Variants in DCUN1D1 observed in about 807,000 individuals in gnomAD.
DCUN1D1 encodes DCN1-like protein 1.
Under a neutral mutation model 39.0 loss-of-function variants are expected in DCUN1D1, and 3 were observed. The ratio of observed to expected loss-of-function variants is 0.08; its 90% CI spans 0.04 to 0.20. The LOEUF (loss-of-function observed/expected upper bound fraction) is 0.20, where lower values mean the gene tolerates loss of function less well. Among genes scored for constraint, DCUN1D1 ranks in the 10% least tolerant of loss-of-function variants. The probability of loss-of-function intolerance (pLI) is 1.00; values close to 1 mark genes in which losing one functional copy is unlikely to be tolerated. For missense variants in DCUN1D1, 158 were observed against 302.4 expected (o/e 0.52, Z 3.54); for synonymous variants, 82 against 96.3 (o/e 0.85, Z 0.87).
intron 1 of DCUN1D1, chr3:182,980,074 A>ACCCGGAACCCCAGAC: frequency 1.2e-6 from 1 of 864,674 alleles, no homozygotes; most frequent in Non-Finnish European, 1.4e-6. Flanking sequence ...GAGGCTACTC[A>ACCCGGAACCCCAGAC]CCCGGAACCC....
intron 1 of DCUN1D1, among the ~76,000 whole-genome samples, chr3:182,966,413 AT>A (rs1217092663): frequency 2.0e-5 from 3 of 151,730 alleles, no homozygotes; most frequent in Non-Finnish European, 2.9e-5. Flanking sequence ...TATCAAAATA[AT>A]TTTTTTTTCT....
chr3:182,983,720 AAAG>A (rs1728637461), upstream of DCUN1D1, among the ~76,000 whole-genome samples: 1 of 152,138 alleles, frequency 6.6e-6, no homozygotes, highest in African/African-American at 2.4e-5. Flanking sequence ...AGAAAAAAAA[AAAG>A]AGATTCCCTA....
At chr3:182,979,856 G>C (rs1469323699) in intron 1 of DCUN1D1, among the ~76,000 whole-genome samples, 1 of 152,084 alleles carries the variant, frequency 6.6e-6, no homozygotes, top group Non-Finnish European at 1.5e-5. Context: ...TCCACCAACT[G>C]GCCGGGGAAA....
At chr3:182,955,420 G>A (rs1186951068) in intron 4 of DCUN1D1, 6 of 539,944 alleles carry the variant, frequency 1.1e-5, no homozygotes, top group South Asian at 2.8e-5. Flanking sequence ...CACATTTTGC[G>A]CAAACTTCAA....
At chr3:182,965,452 T>C in intron 2 of DCUN1D1, 85 bp downstream of exon 2, 1 of 801,890 alleles carries the variant, frequency 1.2e-6, no homozygotes, top group Non-Finnish European at 2.0e-6. Flanking sequence ...CAATTTAAGT[T>C]ATATATAGTA....
chr3:182,939,499 A>G lies in DCUN1D1; in HGVS notation c.*5595T>C, dbSNP rs1295729829. 1 of 152,240 alleles carries G rather than the reference A, an allele frequency of 6.6e-6. No homozygotes were observed. The highest frequency in any genetic ancestry group is 1.5e-5 in the Non-Finnish European group (1 of 68,026). The allele number at this position is 152,240 out of a possible 1,614,324, so 9.4% of individuals were successfully genotyped here. On this transcript the variant is annotated 3_prime_UTR_variant, in exon 7 of 7. Coordinates refer to ENST00000292782, the MANE Select transcript of DCUN1D1 (RefSeq NM_020640.4). ...TGGATAAACAAAATGTGGTATATCC[A>G]AACAGTGAACACTAAGTCAGCAACT... is the stretch of plus-strand genomic sequence containing the variant.
At chr3:182,946,809 C>G (rs1416500055) in intron 6 of DCUN1D1, among the ~76,000 whole-genome samples, 1 of 151,976 alleles carries the variant, frequency 6.6e-6, no homozygotes. Flanking sequence ...TTCATACATT[C>G]AGAAGAGCAT....
upstream of DCUN1D1, among the ~76,000 whole-genome samples, chr3:182,982,770 G>T (rs1278156835): frequency 1.3e-5 from 2 of 152,006 alleles, no homozygotes; most frequent in African/African-American, 4.8e-5. Context: ...AGCCCCCACC[G>T]AGTAGCTGGG....
chr3:182,951,424 G>C (rs189466896), intron 4 of DCUN1D1, among the ~76,000 whole-genome samples: 34 of 151,790 alleles, frequency 2.2e-4, no homozygotes, highest in Middle Eastern at 3.4e-3. Flanking sequence ...TTGTAATCCT[G>C]AACAACATAG....
At position 182,942,333 on chromosome 3, in the gene DCUN1D1, A is replaced by G. The variant is rs950106518; in HGVS notation, c.*2761T>C. On this transcript the variant is annotated 3_prime_UTR_variant, in exon 7 of 7. Transcript: ENST00000292782. ...TTTCAGGTATATTTTAAATCTATAA[A>G]AAAAATACACTGAAATATGTGAAAA... 3.3e-5 allele frequency: 5 copies of G among 152,146 alleles called. No individual in the cohort carries two copies. The highest frequency in any genetic ancestry group is 3.3e-4 in the Admixed American group (5 of 15,252). The allele number at this position is 152,146 out of a possible 1,614,324, so 9.4% of individuals were successfully genotyped here.
In DCUN1D1 at chr3:182,942,647, G is replaced by A. The variant is rs1726189389; in HGVS notation, c.*2447C>T. On this transcript the variant is annotated 3_prime_UTR_variant, in exon 7 of 7. Transcript: ENST00000292782. The stretch of plus-strand genomic sequence containing the variant: ...CAGCATGGGGAGTTTACCGGAATGA[G>A]GACTGAAACACTTAGGAGTTAAAGC... The A allele has an allele frequency of 6.6e-6, 1 of 151,828 alleles. No individual in the cohort carries two copies. Among genetic ancestry groups the A allele is most frequent in the African/African-American group, 2.4e-5 (1 of 41,334 alleles). The allele number at this position is 151,828 out of a possible 1,614,324, so 9.4% of individuals were successfully genotyped here.
chr3:182,951,006 C>CAAAAAAAAAAAAAAAA (rs56919089), intron 4 of DCUN1D1: 1 of 46,782 alleles, frequency 2.1e-5, no homozygotes, highest in Non-Finnish European at 3.6e-5. Context: ...AACTCTGTCT[C>CAAAAAAAAAAAAAAAA]AAAAAAAAAA....
intron 1 of DCUN1D1, among the ~76,000 whole-genome samples, chr3:182,975,991 G>A (rs1728219661): frequency 6.6e-6 from 1 of 151,870 alleles, no homozygotes; most frequent in South Asian, 2.1e-4. Flanking sequence ...TGTCCCCAAA[G>A]GCCCAGTTTT....
intron 1 of DCUN1D1, among the ~76,000 whole-genome samples, chr3:182,976,642 T>C (rs1292990435): frequency 6.6e-6 from 1 of 152,134 alleles, no homozygotes; most frequent in African/African-American, 2.4e-5. Context: ...CCCAATCCCC[T>C]TCCCTAACAC....
At chr3:182,979,595 C>CA (rs573467140) in intron 1 of DCUN1D1, among the ~76,000 whole-genome samples, 3 of 134,204 alleles carry the variant, frequency 2.2e-5, no homozygotes, top group Admixed American at 7.9e-5. Flanking sequence ...CTGGAGAGGA[C>CA]TTTTTCCCCC....
chr3:182,983,267 A>G (rs1195297772), upstream of DCUN1D1, among the ~76,000 whole-genome samples: 1 of 152,084 alleles, frequency 6.6e-6, no homozygotes, highest in African/African-American at 2.4e-5. Flanking sequence ...GCTAATACTG[A>G]CTGAGCCCAT....
At chr3:182,975,827 C>T (rs908524273) in intron 1 of DCUN1D1, among the ~76,000 whole-genome samples, 11 of 131,912 alleles carry the variant, frequency 8.3e-5, no homozygotes, top group African/African-American at 2.8e-4. Flanking sequence ...TTTAGAATCG[C>T]TAAGCCTTCA....
At chr3:182,985,089 G>A (rs556062568), upstream of DCUN1D1, among the ~76,000 whole-genome samples, 29 of 152,308 alleles carry the variant, frequency 1.9e-4, no homozygotes, top group Middle Eastern at 3.4e-3. Flanking sequence ...AGTAAAACAT[G>A]GCATTTAGAT....
Position 182,973,930 on chromosome 3 carries a change from C to G in DCUN1D1, c.3+6557G>C, listed in dbSNP as rs866649932. ...CTAATGAAAATTTAAAAGATTTTCTCTCCACCCCTCAGAATTACTAGTCAA... is the reference window on the plus strand; with the variant it reads ...CTAATGAAAATTTAAAAGATTTTCTGTCCACCCCTCAGAATTACTAGTCAA... On this transcript the variant is annotated intron_variant, in intron 1 of 6. Transcript: ENST00000292782. 1.2e-4 allele frequency among the ~76,000 whole-genome samples: 18 copies of G among 152,224 alleles called. No individual in the cohort carries two copies. In the Middle Eastern group the frequency reaches 0.01, roughly 86 times the overall value.
Sources: allele counts gnomAD v4.1 joint callset (sites outside exome capture counted in the v4.1 genomes callset), GRCh38; gene constraint gnomAD v4.1.1; transcripts MANE v1.5; gene names NCBI Gene and HGNC (gene_info 2026-07-23, HGNC 2026-07-21).